TECTA: variants seen among roughly 807,000 people sequenced by gnomAD.
TECTA encodes the protein alpha-tectorin.
A neutral mutation model predicts 216.8 loss-of-function variants in TECTA; 128 were observed. The observed-to-expected ratio is 0.59, with a 90% CI of 0.51 to 0.68. The LOEUF is 0.68. TECTA is among the 30% of genes least tolerant of loss of function. The pLI is 0.00. For synonymous variants in TECTA, 1,089 were observed against 1,117.1 expected (o/e 0.97, Z 0.50); for missense variants, 2,551 against 2,786.2 (o/e 0.92, Z 1.90).
chr11:121,163,542 A>G (rs1947021761), intron 16 of TECTA, among the ~76,000 whole-genome samples: 1 of 152,116 alleles, frequency 6.6e-6, no homozygotes, highest in Non-Finnish European at 1.5e-5. Flanking sequence ...TGGCACATGT[A>G]TACATATGTA....
chr11:121,172,733 T>A (rs11218177), intron 20 of TECTA, among the ~76,000 whole-genome samples: 1 of 151,972 alleles, frequency 6.6e-6, no homozygotes, highest in Non-Finnish European at 1.5e-5. Context: ...CAAATGCTAT[T>A]TCTAGTTCTA....
At chr11:121,149,435 C>T (rs2135110686) in intron 12 of TECTA, among the ~76,000 whole-genome samples, 1 of 152,298 alleles carries the variant, frequency 6.6e-6, no homozygotes, top group South Asian at 2.1e-4. Context: ...CCTTCTGTGA[C>T]TACAACTATT....
At chr11:121,185,225 T>A (rs1465492992) in intron 20 of TECTA, among the ~76,000 whole-genome samples, 1 of 152,264 alleles carries the variant, frequency 6.6e-6, no homozygotes, top group African/African-American at 2.4e-5. Context: ...TAACCTTTCT[T>A]GGAGGGATGT....
intron 12 of TECTA, among the ~76,000 whole-genome samples, chr11:121,151,538 A>C (rs1013007581): frequency 2.0e-5 from 3 of 152,248 alleles, no homozygotes; most frequent in African/African-American, 7.2e-5. Context: ...GCTTATGTGC[A>C]TACACACACA....
chr11:121,140,545 T>A (rs139824361), intron 11 of TECTA, among the ~76,000 whole-genome samples: 45 of 152,288 alleles, frequency 3.0e-4, no homozygotes, highest in Non-Finnish European at 6.2e-4. Flanking sequence ...TACCACAGAC[T>A]GGGCGGCCTA....
chr11:121,157,917 C>A lies in TECTA; in HGVS notation c.4382C>A (p.Pro1461Gln), dbSNP rs920381859. 3.1e-6 allele frequency: 5 copies of A among 1,614,034 alleles called. No individual in the cohort carries two copies. In the African/African-American group the frequency reaches 6.7e-5, roughly 22 times the overall value. Residue 1461 changes from proline to glutamine, a missense_variant, in exon 14 of 24, where the codon CCG becomes CAG. Physicochemically the swap from Pro to Gln is moderately conservative, Grantham distance 76 (BLOSUM62 -1). Around this residue, in one of 3 missense-constraint regions of TECTA, gnomAD observed 2,375 missense variants for 2,563.9 expected, o/e 0.93. Transcript: ENST00000392793. ...CGTCGCAACGTGATTCAGTGCGACCCGCGCCAATGCAAGTCAGACGAGGAG... is the reference window on the plus strand; with the variant it reads ...CGTCGCAACGTGATTCAGTGCGACCAGCGCCAATGCAAGTCAGACGAGGAG... Reference protein sequence around the residue: ...CFRRNVIQCDPRQCKSDEECA... With the variant: ...CFRRNVIQCDQRQCKSDEECA...
In TECTA at chr11:121,191,397, C is replaced by T. The variant is rs1224546513; in HGVS notation, c.*591C>T. On this transcript the variant is annotated 3_prime_UTR_variant, in exon 24 of 24. Coordinates refer to ENST00000392793, the MANE Select transcript of TECTA (RefSeq NM_005422.4). ...TGGGGAACCCCACCCACTCTCCTAC[C>T]CCCTCGAACCCAATCCCTTCTCTTT... The T allele has an allele frequency of 6.3e-6, 1 of 159,616 alleles. No homozygotes were observed. Among genetic ancestry groups the T allele is most frequent in the African/African-American group, 2.4e-5 (1 of 41,480 alleles). The allele number at this position is 159,616 out of a possible 1,614,324, so 9.9% of individuals were successfully genotyped here.
chr11:121,180,574 T>C (rs895832043), intron 20 of TECTA, among the ~76,000 whole-genome samples: 2 of 152,190 alleles, frequency 1.3e-5, no homozygotes, highest in Admixed American at 6.5e-5. Flanking sequence ...TCACTTTGAG[T>C]GTAATATGCC....
intron 20 of TECTA, among the ~76,000 whole-genome samples, chr11:121,176,331 G>T (rs1201692698): frequency 1.5e-4 from 23 of 149,918 alleles, no homozygotes; most frequent in Non-Finnish European, 3.0e-4. Context: ...GGTACCGGTT[G>T]TTCCTTTCCA....
Position 121,129,679 on chromosome 11 carries a change from G to A in TECTA, c.2409G>A (p.Ser803=), listed in dbSNP as rs778543447. ...TGGAATTGCCTTTTTTCCATCCTTC[G>A]GGGAAGCTGGAAATTTATCGAAACA... is the stretch of plus-strand genomic sequence containing the variant. The part of the protein sequence containing the change: ...QEVELPFFHP[S]GKLEIYRNKN... Residue 803 remains serine, a synonymous_variant, in exon 10 of 24, where the codon TCG becomes TCA. Transcript: ENST00000392793. 1.5e-5 allele frequency: 25 copies of A among 1,614,038 alleles called. No homozygotes were observed. In the South Asian group the frequency reaches 1.6e-4, roughly 11 times the overall value.
At chr11:121,121,755 G>T (rs1391162459) in intron 7 of TECTA, among the ~76,000 whole-genome samples, 1 of 152,092 alleles carries the variant, frequency 6.6e-6, no homozygotes, top group Non-Finnish European at 1.5e-5. Flanking sequence ...TTCTGCTTTG[G>T]GACACAATAA....
At chr11:121,164,863 G>C (rs1463574852) in intron 16 of TECTA, among the ~76,000 whole-genome samples, 3 of 152,162 alleles carry the variant, frequency 2.0e-5, no homozygotes, top group African/African-American at 7.2e-5. Flanking sequence ...AGAGATAAAT[G>C]ATCTGGATGC....
intron 7 of TECTA, among the ~76,000 whole-genome samples, chr11:121,120,047 C>T (rs571355510): frequency 6.6e-6 from 1 of 152,162 alleles, no homozygotes; most frequent in Non-Finnish European, 1.5e-5. Context: ...CACTAGCTTC[C>T]CCCTACTTTC....
At chr11:121,150,016 A>G (rs1946874747) in intron 12 of TECTA, among the ~76,000 whole-genome samples, 1 of 152,244 alleles carries the variant, frequency 6.6e-6, no homozygotes, top group South Asian at 2.1e-4. Flanking sequence ...TACTTAAAGA[A>G]CAAACATCTC....
rs766377027 is a variant in TECTA, at chr11:121,128,254, C to A, written c.2277C>A (p.Pro759=). 1 of 1,600,082 alleles carries A rather than the reference C, an allele frequency of 6.2e-7. No homozygotes were observed. The highest frequency in any genetic ancestry group is 8.5e-7 in the Non-Finnish European group (1 of 1,179,964). Residue 759 remains proline, a synonymous_variant, in exon 9 of 24, where the codon CCC becomes CCA. Transcript: ENST00000392793. The stretch of plus-strand genomic sequence containing the variant: ...AAATCGACATCAACAAGAAGAAGCC[C>A]GATGCAGGACCTGCTTGGCTGCGGG... ...YLEIDINKKK[P]DAGPAWLRGL... is the part of the protein sequence containing the mutation.
rs143808255 is a variant in TECTA, at chr11:121,127,939, C to T, written c.1962C>T (p.Phe654=). ...CTCTGCACAAGTGCGGCTGCGACTT[C>T]GACGGCCACTACTACACCATGGGGG... ...CVPLHKCGCD[F]DGHYYTMGEF... Residue 654 remains phenylalanine, a synonymous_variant, in exon 9 of 24, where the codon TTC becomes TTT. Transcript: ENST00000392793. This position sits in a 1 kb window ranked among gnomAD's most constrained non-coding sequence, Gnocchi z 5.0. 4.1e-5 allele frequency: 66 copies of T among 1,613,994 alleles called. No homozygotes were observed. In the African/African-American group the frequency reaches 7.1e-4, roughly 17 times the overall value.
chr11:121,128,832 A>C (rs1207245409), intron 9 of TECTA, among the ~76,000 whole-genome samples: 1 of 152,172 alleles, frequency 6.6e-6, no homozygotes, highest in African/African-American at 2.4e-5. Context: ...ATGTGGGGTG[A>C]TGTAAGGGGT....
rs777925410 is a variant in TECTA at position 121,186,127 on chromosome 11, T to TAATG, written c.6000-1703_6000-1700dup. ...GTAGGGAAAGAAGATGTTCAATGCT[T>TAATG]AATGAGTAGGGAAAGCAGATGTTCA... On this transcript the variant is annotated intron_variant, in intron 20 of 23. Transcript: ENST00000392793. 2.8e-4 allele frequency among the ~76,000 whole-genome samples: 14 copies of TAATG among 49,474 alleles called. 3 individuals carry two copies. The African/African-American group carries it at 3.2e-3, about 11-fold the overall frequency. 32.5% of individuals were successfully genotyped at this position (49,474 alleles called of 152,430 possible). A position where few individuals can be genotyped will look rare whatever the true frequency, so the allele number is the denominator to read the frequency against.
At chr11:121,121,090 C>T (rs574476661) in intron 7 of TECTA, among the ~76,000 whole-genome samples, 6 of 152,362 alleles carry the variant, frequency 3.9e-5, no homozygotes, top group African/African-American at 1.4e-4. Context: ...GGCTCTGTCA[C>T]TTGCAAGTCA....
Sources: gnomAD v4.1 joint callset for allele counts (sites outside exome capture counted in the v4.1 genomes callset) on GRCh38, gnomAD v4.1.1 for gene constraint, gnomAD v4.1.1 regional missense constraint, Gnocchi (gnomAD v3.1) non-coding constraint, MANE v1.5 for transcripts, NCBI Gene and HGNC (gene_info 2026-07-23, HGNC 2026-07-21) for gene names.